Variants in BCL11B observed in about 807,000 individuals in gnomAD.
BCL11B encodes B-cell lymphoma/leukemia 11B.
A neutral mutation model predicts 49.9 loss-of-function variants in BCL11B; 8 were observed. The ratio of observed to expected loss-of-function variants is 0.16; its 90% CI spans 0.09 to 0.29. The LOEUF (loss-of-function observed/expected upper bound fraction) is 0.29. Ranked by LOEUF, BCL11B falls within the 10% of genes least tolerant of loss-of-function variation. BCL11B has a pLI of 1.00. For synonymous variants in BCL11B, 739 were observed against 637.4 expected, an observed-to-expected ratio of 1.16 and a Z score of -2.40; for missense variants, 1,006 against 1,351.0, an observed-to-expected ratio of 0.74 and a Z score of 4.00.
intron 3 of BCL11B, among the ~76,000 whole-genome samples, chr14:99,226,473 G>A (rs1289615769): frequency 1.3e-5 from 2 of 152,124 alleles, no homozygotes; most frequent in Non-Finnish European, 2.9e-5. Context: ...CATCAGCAGG[G>A]GCCTGGTGAG....
In BCL11B at chr14:99,271,307, C is replaced by A; in HGVS notation, c.-89G>T. 1.2e-6 allele frequency: 1 copy of A among 868,116 alleles called. No homozygotes were observed. Among genetic ancestry groups the A allele is most frequent in the South Asian group, 5.0e-5 (1 of 19,832 alleles). 53.8% of individuals were successfully genotyped at this position (868,116 alleles called of 1,614,324 possible). Reference sequence around the variant, plus strand: ...GGTCCGAGCCGCCGCCGCGCCGCTGCCGCCGCTGCCGCCGCCGCCGCCGCC... The same window carrying A: ...GGTCCGAGCCGCCGCCGCGCCGCTGACGCCGCTGCCGCCGCCGCCGCCGCC... On this transcript the variant is annotated 5_prime_UTR_variant, in exon 1 of 4. Coordinates refer to ENST00000357195, the MANE Select transcript of BCL11B (RefSeq NM_138576.4).
intron 1 of BCL11B, 33 bp downstream of exon 1, chr14:99,271,128 C>A: frequency 6.5e-7 from 1 of 1,528,766 alleles, no homozygotes. Context: ...AGCCCCATCT[C>A]CGGCCCCTCG....
At chr14:99,198,031 CT>C (rs1470190381) in intron 3 of BCL11B, among the ~76,000 whole-genome samples, 4 of 152,356 alleles carry the variant, frequency 2.6e-5, no homozygotes, top group South Asian at 2.1e-4. Context: ...GTGTATCCCC[CT>C]GATCCATCGA....
chr14:99,217,814 C>T (rs1389063440), intron 3 of BCL11B, among the ~76,000 whole-genome samples: 2 of 152,186 alleles, frequency 1.3e-5, no homozygotes, highest in East Asian at 1.9e-4. Context: ...GCCACCACCC[C>T]GTCCCCACAG....
At chr14:99,233,589 C>G (rs561848774) in intron 2 of BCL11B, among the ~76,000 whole-genome samples, 1 of 152,300 alleles carries the variant, frequency 6.6e-6, no homozygotes, top group African/African-American at 2.4e-5. Context: ...GCAGAAGCAG[C>G]TCGAGGCCTG....
chr14:99,265,751 C>G (rs1889462137), intron 1 of BCL11B, among the ~76,000 whole-genome samples: 1 of 152,196 alleles, frequency 6.6e-6, no homozygotes. Flanking sequence ...ATTGCTGGCC[C>G]TGTGTACTGG....
intron 2 of BCL11B, among the ~76,000 whole-genome samples, chr14:99,246,112 T>C (rs2693699): frequency 0.17 from 25,282 of 149,602 alleles, 2,654 homozygotes; most frequent in Non-Finnish European, 0.23. Flanking sequence ...GGGAAACCCC[T>C]TCCCAAAGCT....
chr14:99,175,330 G>T lies in BCL11B; in HGVS notation c.1506C>A (p.Thr502=). The T allele has an allele frequency of 6.4e-7, 1 of 1,550,642 alleles. No individual in the cohort carries two copies. The highest frequency in any genetic ancestry group is 1.4e-5 in the African/African-American group (1 of 73,170). ...LSAASSPEPG[T]SELAGEGLKA... is the part of the protein sequence containing the mutation. ...TGAGGCCCTCGCCCGCCAGCTCGCT[G>T]GTGCCGGGCTCGGGGGAGCTGGCGG... Residue 502 remains threonine (T), a synonymous_variant, in exon 4 of 4, where the codon ACC becomes ACA. Transcript: ENST00000357195.
In BCL11B at chr14:99,257,293, T is replaced by C. The variant is rs945732106; in HGVS notation, c.427+178A>G. ...TTTGGGCCTCCCCGAGCCCCAGGCC[T>C]GTCTCCTCCTGAAGGTCACCTGGAT... On this transcript the variant is annotated intron_variant, in intron 2 of 3. Coordinates refer to ENST00000357195, the MANE Select transcript of BCL11B (RefSeq NM_138576.4). The surrounding 1 kb of genome is among the most constrained non-coding windows in gnomAD (Gnocchi z 6.2). 4.0e-5 allele frequency among the ~76,000 whole-genome samples: 6 copies of C among 151,022 alleles called. No homozygotes were observed. The highest frequency in any genetic ancestry group is 1.5e-4 in the African/African-American group (6 of 41,096).
intron 2 of BCL11B, among the ~76,000 whole-genome samples, chr14:99,246,686 T>C (rs1888852228): frequency 6.6e-6 from 1 of 151,106 alleles, no homozygotes; most frequent in Non-Finnish European, 1.5e-5. Context: ...AAGGGGGCTA[T>C]GGACCCCAAC....
intron 3 of BCL11B, among the ~76,000 whole-genome samples, chr14:99,204,593 C>G (rs1222768291): frequency 1.3e-5 from 2 of 152,294 alleles, no homozygotes; most frequent in South Asian, 4.1e-4. Flanking sequence ...CCTGCCAATG[C>G]CCGGCAGCTA....
chr14:99,190,483 G>A lies in BCL11B; in HGVS notation c.641-14288C>T, dbSNP rs912430385. Among the ~76,000 whole-genome samples the A allele has an allele frequency of 5.3e-5, 8 of 152,216 alleles. No individual in the cohort carries two copies. The East Asian group carries it at 5.8e-4, about 11-fold the overall frequency. ...AGCCTGGGCGACAGAGCGAGACTTC[G>A]TCTCAAATAGAAATAAATAAATACT... On this transcript the variant is annotated intron_variant, in intron 3 of 3. Transcript: ENST00000357195.
intron 3 of BCL11B, among the ~76,000 whole-genome samples, chr14:99,211,531 T>C (rs147794226): frequency 1.2e-3 from 181 of 152,330 alleles, no homozygotes; most frequent in African/African-American, 4.0e-3. Flanking sequence ...CACTCACACA[T>C]GCACTCGTGT....
intron 3 of BCL11B, among the ~76,000 whole-genome samples, chr14:99,202,127 A>G (rs1457415608): frequency 6.6e-6 from 1 of 152,082 alleles, no homozygotes; most frequent in African/African-American, 2.4e-5. Context: ...GATTATAGGC[A>G]TACACCACCA....
At chr14:99,269,155 G>A (rs928914793) in intron 1 of BCL11B, among the ~76,000 whole-genome samples, 1 of 16,614 alleles carries the variant, frequency 6.0e-5, no homozygotes, top group East Asian at 2.8e-3. Flanking sequence ...CCCCTTCCCC[G>A]ACCCCCCCAA....
chr14:99,208,904 G>T (rs1476827563), intron 3 of BCL11B, among the ~76,000 whole-genome samples: 8 of 152,228 alleles, frequency 5.3e-5, no homozygotes, highest in Non-Finnish European at 1.2e-4. Context: ...ATACACTGCA[G>T]CCAGGCCAAG....
At chr14:99,240,930 G>T (rs921825704) in intron 2 of BCL11B, among the ~76,000 whole-genome samples, 2 of 152,178 alleles carry the variant, frequency 1.3e-5, no homozygotes, top group Non-Finnish European at 2.9e-5. Context: ...CGGCAGCGCA[G>T]TCCTCAATGG....
At position 99,241,407 on chromosome 14, in the gene BCL11B, A is replaced by G. The variant is rs576602409; in HGVS notation, c.428-9850T>C. On this transcript the variant is annotated intron_variant, in intron 2 of 3. Transcript: ENST00000357195. The surrounding 1 kb of genome is among the most constrained non-coding windows in gnomAD (Gnocchi z 4.4). The stretch of plus-strand genomic sequence containing the variant: ...GGCGAGAATCTAGCTGTAATCTCAG[A>G]GGAAGAAAGCAGCAAGCATCGCTCA... Among the ~76,000 whole-genome samples the G allele has an allele frequency of 1.3e-5, 2 of 152,204 alleles. No homozygotes were observed. The highest frequency in any genetic ancestry group is 4.1e-4 in the South Asian group (2 of 4,822).
rs140944311 is a variant in BCL11B at position 99,232,998 on chromosome 14, G to A, written c.428-1441C>T. Among the ~76,000 whole-genome samples, 15 of 152,244 alleles carry A rather than the reference G, an allele frequency of 9.9e-5. No individual in the cohort carries two copies. In the East Asian group the frequency reaches 1.4e-3, roughly 14 times the overall value. On this transcript the variant is annotated intron_variant, in intron 2 of 3. Coordinates refer to ENST00000357195, the MANE Select transcript of BCL11B (RefSeq NM_138576.4). The surrounding 1 kb of genome is among the most constrained non-coding windows in gnomAD (Gnocchi z 5.1). ...AAGACCTCATACTAGGTGAGGCCTC[G>A]GGCCCAGGGTATTTCTGAGCTGGGG...
Sources: gnomAD v4.1 joint callset for allele counts (sites outside exome capture counted in the v4.1 genomes callset) on GRCh38, gnomAD v4.1.1 for gene constraint, Gnocchi (gnomAD v3.1) non-coding constraint, MANE v1.5 for transcripts, NCBI Gene and HGNC (gene_info 2026-07-23, HGNC 2026-07-21) for gene names.